The following IRS1 variants were observed in gnomAD, a reference collection of about 807,000 sequenced individuals.
The protein encoded by IRS1 is insulin receptor substrate 1.
IRS1 carries 34 observed loss-of-function variants against 65.6 expected under a neutral mutation model. That is an observed-to-expected ratio of 0.52 (90% confidence interval 0.39 to 0.69). The LOEUF is 0.69. Among genes scored for constraint, IRS1 ranks in the 30% least tolerant of loss-of-function variants. The pLI is 0.00. For missense variants in IRS1, 1,641 were observed against 1,720.2 expected (o/e 0.95, Z 0.81); for synonymous variants, 699 against 683.5 (o/e 1.02, Z -0.35).
At chr2:226,743,058 A>G (rs764156168) in intron 1 of IRS1, among the ~76,000 whole-genome samples, 2 of 152,116 alleles carry the variant, frequency 1.3e-5, no homozygotes, top group Admixed American at 6.6e-5. Flanking sequence ...AGACCATAAC[A>G]GCTCCTCCCC....
intron 1 of IRS1, among the ~76,000 whole-genome samples, chr2:226,781,314 T>C (rs56171406): frequency 0.095 from 14,458 of 152,152 alleles, 1,032 homozygotes; most frequent in African/African-American, 0.2. Flanking sequence ...TGCCATTATT[T>C]TTAAAAATAA....
intron 1 of IRS1, among the ~76,000 whole-genome samples, chr2:226,767,784 G>A (rs1939084656): frequency 6.6e-6 from 1 of 152,162 alleles, no homozygotes; most frequent in African/African-American, 2.4e-5. Flanking sequence ...GGTAGAGGTG[G>A]CTTTAGTTCA....
At chr2:226,751,508 C>T (rs1044754969) in intron 1 of IRS1, among the ~76,000 whole-genome samples, 11 of 152,210 alleles carry the variant, frequency 7.2e-5, no homozygotes, top group Non-Finnish European at 1.2e-4. Context: ...TGGTCTCGAT[C>T]TCCTAACCTC....
In IRS1 at chr2:226,798,433, C is replaced by G. The variant is rs139921079; in HGVS notation, c.306G>C (p.Glu102Asp). ...GGAGAGCCTGGTACCAGCTGTCTTGCTCGGCCTCGCTGTCCGCCGCGATGG... is the reference window on the plus strand; with the variant it reads ...GGAGAGCCTGGTACCAGCTGTCTTGGTCGGCCTCGCTGTCCGCCGCGATGG... ...HFAIAADSEA[E>D]QDSWYQALLQ... Residue 102 changes from glutamate (E) to aspartate (D), a missense_variant, in exon 1 of 2, where the codon GAG becomes GAC. Physicochemically the swap from Glu to Asp is conservative, Grantham distance 45. Around this residue, in one of 3 missense-constraint regions of IRS1, gnomAD observed 240 missense variants for 229.6 expected, o/e 1.05. Coordinates refer to ENST00000305123, the MANE Select transcript of IRS1 (RefSeq NM_005544.3). This position sits in a 1 kb window ranked among gnomAD's most constrained non-coding sequence, Gnocchi z 9.4. The G allele has an allele frequency of 2.8e-5, 46 of 1,614,136 alleles. No individual in the cohort carries two copies. In the African/African-American group the frequency reaches 5.7e-4, roughly 20 times the overall value.
In IRS1 at chr2:226,733,753, G is replaced by T. The variant is rs1938274021; in HGVS notation, c.*2519C>A. 6.6e-6 allele frequency: 1 copy of T among 152,178 alleles called. No individual in the cohort carries two copies. The allele number at this position is 152,178 out of a possible 1,614,324, so 9.4% of individuals were successfully genotyped here. ...ACGTTGCTCAAAGGAAACCCTTCGT[G>T]TCGCCAGAGTATGAACTTTTGGTTT... is the stretch of plus-strand genomic sequence containing the variant. On this transcript the variant is annotated 3_prime_UTR_variant, in exon 2 of 2. Transcript: ENST00000305123.
At chr2:226,746,615 G>A (rs1202538335) in intron 1 of IRS1, among the ~76,000 whole-genome samples, 1 of 151,954 alleles carries the variant, frequency 6.6e-6, no homozygotes. Context: ...ACAATGAGGG[G>A]TCGACCTTTC....
At position 226,797,761 on chromosome 2, in the gene IRS1, G is replaced by A. The variant is rs1380928862; in HGVS notation, c.978C>T (p.Val326=). 2 of 1,595,238 alleles carry A rather than the reference G, an allele frequency of 1.3e-6. No individual in the cohort carries two copies. Among genetic ancestry groups the A allele is most frequent in the Non-Finnish European group, 1.7e-6 (2 of 1,175,298 alleles). The change falls in exon 1 of 2, where the codon GTC becomes GTT. Residue 326 remains valine, a synonymous_variant. Coordinates refer to ENST00000305123, the MANE Select transcript of IRS1 (RefSeq NM_005544.3). The surrounding 1 kb of genome is among the most constrained non-coding windows in gnomAD (Gnocchi z 8.1). ...MVGGKPGSFR[V]RASSDGEGTM... ...TGCCTTCGCCGTCACTGGAGGCGCG[G>A]ACACGGAAGGAGCCTGGCTTCCCGC... is the stretch of plus-strand genomic sequence containing the variant.
At position 226,732,872 on chromosome 2, in the gene IRS1, A is replaced by G. The variant is rs13431554; in HGVS notation, c.*3400T>C. 15,815 of 152,112 alleles carry G rather than the reference A, an allele frequency of 0.1. 1,204 individuals carry two copies. The highest frequency in any genetic ancestry group is 0.19 in the African/African-American group (8,018 of 41,478). The allele number at this position is 152,112 out of a possible 1,614,324, so 9.4% of individuals were successfully genotyped here. On this transcript the variant is annotated 3_prime_UTR_variant, in exon 2 of 2. Transcript: ENST00000305123. ...TTCCCATTCCTACCAAAAGGGTCAC[A>G]TCTCTCCCCGCCAAGGTCTTAATTC...
At position 226,795,871 on chromosome 2, in the gene IRS1, C is replaced by T; in HGVS notation, c.2868G>A (p.Glu956=). The T allele has an allele frequency of 1.2e-6, 2 of 1,613,716 alleles. No individual in the cohort carries two copies. The highest frequency in any genetic ancestry group is 1.3e-5 in the African/African-American group (1 of 75,066). Residue 956 remains glutamate, a synonymous_variant, in exon 1 of 2, where the codon GAG becomes GAA. Transcript: ENST00000305123. ...GTCTGCCCATCTCGACCCCAGTGCT[C>T]TCCTGCCAGGCTGCCCTCCGGCCCG... ...LGPGRRAAWQ[E]STGVEMGRLG...
intron 1 of IRS1, among the ~76,000 whole-genome samples, chr2:226,737,913 C>T (rs886215309): frequency 6.6e-6 from 1 of 152,228 alleles, no homozygotes; most frequent in African/African-American, 2.4e-5. Flanking sequence ...AGGAAAAGGA[C>T]GCTTCCCATT....
At chr2:226,760,329 G>T (rs181915381) in intron 1 of IRS1, among the ~76,000 whole-genome samples, 10 of 152,166 alleles carry the variant, frequency 6.6e-5, no homozygotes, top group Admixed American at 2.0e-4. Flanking sequence ...TTACTAAAAT[G>T]TTCCTTAAAA....
chr2:226,784,344 T>C (rs763650293), intron 1 of IRS1, among the ~76,000 whole-genome samples: 1 of 152,238 alleles, frequency 6.6e-6, no homozygotes, highest in Non-Finnish European at 1.5e-5. Flanking sequence ...TACTATACTC[T>C]TATTGGTAAG....
intron 1 of IRS1, among the ~76,000 whole-genome samples, chr2:226,781,441 C>T (rs959555563): frequency 1.3e-5 from 2 of 152,212 alleles, no homozygotes; most frequent in South Asian, 2.1e-4. Flanking sequence ...GGGCTCTATT[C>T]ATAGAGAAGA....
intron 1 of IRS1, among the ~76,000 whole-genome samples, chr2:226,770,900 C>T (rs1039303144): frequency 1.3e-5 from 2 of 152,106 alleles, no homozygotes; most frequent in East Asian, 3.8e-4. Context: ...ATATTTTTCT[C>T]AATAAACTGG....
chr2:226,757,557 G>A (rs1331593776), intron 1 of IRS1, among the ~76,000 whole-genome samples: 1 of 152,176 alleles, frequency 6.6e-6, no homozygotes, highest in African/African-American at 2.4e-5. Flanking sequence ...GGAGGTTGCA[G>A]TGAGCCAAGG....
chr2:226,788,029 A>AC (rs1188418272), intron 1 of IRS1, among the ~76,000 whole-genome samples: 2 of 151,738 alleles, frequency 1.3e-5, no homozygotes, highest in South Asian at 2.1e-4. Context: ...CAAAAAAAAA[A>AC]ACGTCTCTTT....
intron 1 of IRS1, among the ~76,000 whole-genome samples, chr2:226,762,357 CAAAAAAA>C (rs67318812): frequency 6.7e-4 from 80 of 119,832 alleles, no homozygotes; most frequent in African/African-American, 2.8e-3. Flanking sequence ...CATAAAAATG[CAAAAAAA>C]AAAAAAAAAG....
chr2:226,775,896 A>C (rs1477874378), intron 1 of IRS1, among the ~76,000 whole-genome samples: 2 of 152,204 alleles, frequency 1.3e-5, no homozygotes, highest in Non-Finnish European at 2.9e-5. Flanking sequence ...AATGACAAGG[A>C]AAAAGTCTGT....
chr2:226,793,464 G>A (rs1939649493), intron 1 of IRS1, among the ~76,000 whole-genome samples: 1 of 152,182 alleles, frequency 6.6e-6, no homozygotes, highest in African/African-American at 2.4e-5. Flanking sequence ...GAAAATAAAT[G>A]TTGAAGTAAA....
Sources: allele counts gnomAD v4.1 joint callset (sites outside exome capture counted in the v4.1 genomes callset), GRCh38; gene constraint gnomAD v4.1.1; regional missense constraint gnomAD v4.1.1; non-coding constraint Gnocchi (gnomAD v3.1); transcripts MANE v1.5; gene names NCBI Gene and HGNC (gene_info 2026-07-23, HGNC 2026-07-21).